Variants in UNC5C observed in about 807,000 individuals in gnomAD.
UNC5C encodes netrin receptor UNC5C.
UNC5C carries 47 observed loss-of-function variants against 99.8 expected under a neutral mutation model. The observed-to-expected ratio is 0.47, with a 90% confidence interval of 0.37 to 0.60. The LOEUF (loss-of-function observed/expected upper bound fraction) is 0.60. Among genes scored for constraint, UNC5C ranks in the 20% least tolerant of loss-of-function variants. The probability of loss-of-function intolerance (pLI) is 0.00; values close to 1 mark genes in which losing one functional copy is unlikely to be tolerated. For missense variants in UNC5C, 1,062 were observed against 1,165.9 expected (o/e 0.91, Z 1.30); for synonymous variants, 487 against 452.2 (o/e 1.08, Z -0.98).
chr4:95,392,905 T>C (rs1745403086), intron 1 of UNC5C, among the ~76,000 whole-genome samples: 1 of 152,178 alleles, frequency 6.6e-6, no homozygotes, highest in Admixed American at 6.5e-5. Flanking sequence ...ACCATATTGA[T>C]TTACCTGTGA....
chr4:95,470,933 A>C (rs549705004), intron 1 of UNC5C, among the ~76,000 whole-genome samples: 2 of 152,098 alleles, frequency 1.3e-5, no homozygotes, highest in Non-Finnish European at 2.9e-5. Flanking sequence ...AATGGTACTG[A>C]AAAAGTTCTA....
chr4:95,182,551 C>T (rs1215490402), intron 14 of UNC5C, among the ~76,000 whole-genome samples: 2 of 152,050 alleles, frequency 1.3e-5, no homozygotes, highest in South Asian at 2.1e-4. Context: ...GAACATGGCA[C>T]GCTAAGGGAT....
chr4:95,481,190 T>C (rs1339428957), intron 1 of UNC5C, among the ~76,000 whole-genome samples: 1 of 151,790 alleles, frequency 6.6e-6, no homozygotes, highest in Non-Finnish European at 1.5e-5. Context: ...TGTACAAAAA[T>C]CACAAGCATT....
rs920459275 is a variant in UNC5C, at chr4:95,219,050, G to C, written c.1564C>G (p.Leu522Val). The stretch of plus-strand genomic sequence containing the variant: ...CAGGATGGATCAGTCTGCCTTGCTA[G>C]ACTCTGGTTCTTCAGGCTGAGGGCT... ...NEALSLKNQS[L>V]ARQTDPSCTA... Residue 522 changes from leucine to valine, a missense_variant, in exon 9 of 16, where the codon CTA (leucine) becomes GTA (valine). Physicochemically the swap from Leu to Val is conservative, Grantham distance 32. Transcript: ENST00000453304. The C allele has an allele frequency of 3.1e-6, 5 of 1,614,092 alleles. No homozygotes were observed. The highest frequency in any genetic ancestry group is 3.4e-6 in the Non-Finnish European group (4 of 1,180,042).
chr4:95,261,698 A>C (rs1258599638), intron 4 of UNC5C, among the ~76,000 whole-genome samples: 2 of 145,282 alleles, frequency 1.4e-5, no homozygotes, highest in Non-Finnish European at 3.0e-5. Context: ...TTTAACTTCC[A>C]TATGAATTCC....
intron 4 of UNC5C, among the ~76,000 whole-genome samples, chr4:95,252,378 TTGTGCTCAG>T (rs1253381965): frequency 1.3e-5 from 2 of 152,206 alleles, no homozygotes; most frequent in Non-Finnish European, 2.9e-5. Context: ...TCTACAATTT[TTGTGCTCAG>T]TGTGCTTCTC....
intron 2 of UNC5C, among the ~76,000 whole-genome samples, chr4:95,303,636 A>G (rs564607027): frequency 1.2e-4 from 18 of 152,334 alleles, no homozygotes; most frequent in African/African-American, 4.3e-4. Flanking sequence ...AGATCGCACC[A>G]CTGCACTTCA....
rs565189597 is a variant in UNC5C, at chr4:95,304,636, C to G, written c.347-2887G>C. Among the ~76,000 whole-genome samples, 26 of 152,222 alleles carry G rather than the reference C, an allele frequency of 1.7e-4. No homozygotes were observed. The South Asian group carries it at 5.4e-3, about 32-fold the overall frequency. On this transcript the variant is annotated intron_variant, in intron 2 of 15. Transcript: ENST00000453304. ...TCCCTGCTTTACTTATTTATACATT[C>G]CCTCTTCATGGGGAAATTCAGTTAC...
At chr4:95,244,934 G>GA (rs773462845) in intron 6 of UNC5C, 43 bp downstream of exon 6, 1 of 1,607,482 alleles carries the variant, frequency 6.2e-7, no homozygotes, top group South Asian at 1.1e-5. Context: ...CATGTTTCTT[G>GA]AATAATAGGA....
At chr4:95,403,578 T>C (rs1745756926) in intron 1 of UNC5C, among the ~76,000 whole-genome samples, 3 of 152,160 alleles carry the variant, frequency 2.0e-5, no homozygotes. Flanking sequence ...TTAAATATAA[T>C]ACCTTTATTA....
At chr4:95,261,683 A>G (rs1196517307) in intron 4 of UNC5C, among the ~76,000 whole-genome samples, 2 of 151,414 alleles carry the variant, frequency 1.3e-5, no homozygotes, top group African/African-American at 2.4e-5. Context: ...GAATCACAGT[A>G]TATCTTTAAC....
At position 95,427,061 on chromosome 4, in the gene UNC5C, G is replaced by T. The variant is rs576032771; in HGVS notation, c.125-91430C>A. Among the ~76,000 whole-genome samples the T allele has an allele frequency of 3.3e-5, 5 of 152,314 alleles. No individual in the cohort carries two copies. The South Asian group carries it at 8.3e-4, about 25-fold the overall frequency. On this transcript the variant is annotated intron_variant, in intron 1 of 15. Transcript: ENST00000453304. ...GCTAGAGAGGAGAAGTGATCCTTAT[G>T]AATGACTTTGAGGGGGTTCAAGACT... is the stretch of plus-strand genomic sequence containing the variant.
chr4:95,193,677 C>T (rs913939336), intron 12 of UNC5C, among the ~76,000 whole-genome samples: 1 of 152,188 alleles, frequency 6.6e-6, no homozygotes, highest in Non-Finnish European at 1.5e-5. Context: ...CTGTCTCTGT[C>T]ACAGCTGTGG....
At chr4:95,539,680 A>T (rs1313272927) in intron 1 of UNC5C, among the ~76,000 whole-genome samples, 1 of 152,178 alleles carries the variant, frequency 6.6e-6, no homozygotes, top group African/African-American at 2.4e-5. Context: ...TTGTGTAAGC[A>T]CATATATGCT....
intron 6 of UNC5C, among the ~76,000 whole-genome samples, chr4:95,244,125 A>T (rs1739417033): frequency 6.6e-6 from 1 of 152,234 alleles, no homozygotes; most frequent in African/African-American, 2.4e-5. Flanking sequence ...TGACCAAATT[A>T]GGCAAAAAGG....
At chr4:95,452,045 A>G (rs564245754) in intron 1 of UNC5C, among the ~76,000 whole-genome samples, 1 of 152,290 alleles carries the variant, frequency 6.6e-6, no homozygotes, top group Admixed American at 6.5e-5. Flanking sequence ...TTATGACTCT[A>G]TAGACATAGC....
chr4:95,402,160 A>G (rs1425305460), intron 1 of UNC5C, among the ~76,000 whole-genome samples: 1 of 152,172 alleles, frequency 6.6e-6, no homozygotes, highest in African/African-American at 2.4e-5. Flanking sequence ...ACTTCTACCT[A>G]CTTGTAATTT....
chr4:95,318,170 G>A (rs994294890), intron 2 of UNC5C, among the ~76,000 whole-genome samples: 2 of 152,056 alleles, frequency 1.3e-5, no homozygotes, highest in African/African-American at 2.4e-5. Flanking sequence ...TAATATCCTG[G>A]ATTATCCAGG....
rs58263237 is a variant in UNC5C at position 95,206,931 on chromosome 4, G to T, written c.1734-135C>A. On this transcript the variant is annotated intron_variant, in intron 10 of 15. Coordinates refer to ENST00000453304, the MANE Select transcript of UNC5C (RefSeq NM_003728.4). ...TTTTTTTTTTTTTTCTGGGGGGTTG[G>T]GGAGAGGAAATAGGTGATACAGAAT... is the stretch of plus-strand genomic sequence containing the variant. 2,218 of 741,104 alleles carry T rather than the reference G, an allele frequency of 3.0e-3. 42 individuals are homozygous for T. In the African/African-American group the frequency reaches 0.038, roughly 13 times the overall value. 45.9% of individuals were successfully genotyped at this position (741,104 alleles called of 1,614,324 possible). A position where few individuals can be genotyped will look rare whatever the true frequency, so the allele number is the denominator to read the frequency against.
Sources: gnomAD v4.1 joint callset for allele counts (sites outside exome capture counted in the v4.1 genomes callset) on GRCh38, gnomAD v4.1.1 for gene constraint, MANE v1.5 for transcripts, NCBI Gene and HGNC (gene_info 2026-07-23, HGNC 2026-07-21) for gene names.